Variants in TSPAN2 observed in about 807,000 individuals in gnomAD.
TSPAN2 encodes tetraspanin-2.
Under a neutral mutation model 33.3 loss-of-function variants are expected in TSPAN2, and 24 were observed. That is an observed-to-expected ratio of 0.72 (90% CI 0.52 to 1.01). TSPAN2 has a LOEUF of 1.01. Ranked by LOEUF, TSPAN2 falls within the 50% of genes least tolerant of loss-of-function variation. The pLI is 0.00. For missense variants in TSPAN2, 278 were observed against 281.3 expected, an observed-to-expected ratio of 0.99 and a Z score of 0.08; for synonymous variants, 114 against 104.5, an observed-to-expected ratio of 1.09 and a Z score of -0.56.
intron 4 of TSPAN2, among the ~76,000 whole-genome samples, chr1:115,059,586 G>T (rs1282773935): frequency 6.6e-6 from 1 of 152,126 alleles, no homozygotes; most frequent in East Asian, 1.9e-4. Flanking sequence ...GGTTTAAAAG[G>T]TATTCATCAC....
At chr1:115,073,154 A>G in intron 1 of TSPAN2, 147 bp from the exon 2 acceptor site, 1 of 683,152 alleles carries the variant, frequency 1.5e-6, no homozygotes, top group East Asian at 2.7e-5. Context: ...GAGAAAATGA[A>G]GGCTCAGAGA....
At chr1:115,062,085 A>G (rs762297965) in intron 3 of TSPAN2, 50 bp downstream of exon 3, 3 of 1,440,262 alleles carry the variant, frequency 2.1e-6, no homozygotes, top group East Asian at 2.5e-5. Flanking sequence ...CTTCAGATGC[A>G]GGCCGCTCCC....
intron 4 of TSPAN2, among the ~76,000 whole-genome samples, chr1:115,059,656 T>C (rs1647588816): frequency 6.6e-6 from 1 of 152,226 alleles, no homozygotes; most frequent in African/African-American, 2.4e-5. Context: ...TTTTCTAGTA[T>C]AAAAGCTTGT....
At chr1:115,075,307 T>A (rs572462354) in intron 1 of TSPAN2, among the ~76,000 whole-genome samples, 31 of 152,104 alleles carry the variant, frequency 2.0e-4, no homozygotes, top group Non-Finnish European at 4.1e-4. Flanking sequence ...TCCTCCTGGG[T>A]CAAGGAAACT....
chr1:115,089,316 G>GCCCCCCCGCCC, intron 1 of TSPAN2, 48 bp downstream of exon 1: 5 of 1,012,912 alleles, frequency 4.9e-6, no homozygotes, highest in Non-Finnish European at 5.7e-6. Context: ...CCCCGCGCCC[G>GCCCCCCCGCCC]CCACCCGGCC....
intron 2 of TSPAN2, among the ~76,000 whole-genome samples, chr1:115,070,798 AT>A (rs1648138698): frequency 6.6e-6 from 1 of 152,194 alleles, no homozygotes; most frequent in Non-Finnish European, 1.5e-5. Context: ...CTTAGCTGGC[AT>A]TTAGTCACAT....
intron 2 of TSPAN2, among the ~76,000 whole-genome samples, chr1:115,070,591 C>T (rs969367716): frequency 1.3e-5 from 2 of 151,972 alleles, no homozygotes; most frequent in Non-Finnish European, 2.9e-5. Context: ...GTCCTCAGAC[C>T]CCAACAGAGC....
At chr1:115,068,026 A>T (rs1037004662) in intron 2 of TSPAN2, among the ~76,000 whole-genome samples, 1 of 152,160 alleles carries the variant, frequency 6.6e-6, no homozygotes, top group Non-Finnish European at 1.5e-5. Context: ...GGCAACACGG[A>T]GCAACCCAAG....
intron 1 of TSPAN2, among the ~76,000 whole-genome samples, chr1:115,073,913 A>C (rs1281581507): frequency 6.6e-6 from 1 of 152,120 alleles, no homozygotes; most frequent in Non-Finnish European, 1.5e-5. Context: ...GCGTGCCAGC[A>C]GGCTCTAGCC....
chr1:115,072,902 C>T lies in TSPAN2; in HGVS notation c.172+3G>A, dbSNP rs192874260. The T allele has an allele frequency of 2.3e-3, 3,663 of 1,610,518 alleles. 8 individuals are homozygous for T. Among genetic ancestry groups the T allele is most frequent in the Non-Finnish European group, 2.8e-3 (3,316 of 1,176,718 alleles). On this transcript the variant is annotated splice_donor_region_variant and intron_variant, in intron 2 of 7. Coordinates refer to ENST00000369516, the MANE Select transcript of TSPAN2 (RefSeq NM_005725.6). ...TGGAGCTTAGGAAGCTGGAGTCACT[C>T]ACCCACATAGAAATACTCTGGGGAC...
intron 1 of TSPAN2, among the ~76,000 whole-genome samples, chr1:115,080,321 T>C (rs1323455568): frequency 1.3e-5 from 2 of 152,204 alleles, no homozygotes; most frequent in East Asian, 3.8e-4. Flanking sequence ...TCTTACTCTG[T>C]TGCCCAGGCT....
chr1:115,058,670 T>C (rs1325827228), intron 5 of TSPAN2, among the ~76,000 whole-genome samples: 1 of 152,270 alleles, frequency 6.6e-6, no homozygotes, highest in African/African-American at 2.4e-5. Context: ...TTCATGCTCT[T>C]CTGTCTCTCT....
intron 6 of TSPAN2, among the ~76,000 whole-genome samples, chr1:115,055,405 C>A (rs976826792): frequency 1.8e-4 from 28 of 151,716 alleles, no homozygotes; most frequent in Admixed American, 4.6e-4. Flanking sequence ...CTTACACACA[C>A]AAACACACCT....
At chr1:115,054,169 T>C (rs769185193) in intron 6 of TSPAN2, among the ~76,000 whole-genome samples, 44 of 152,132 alleles carry the variant, frequency 2.9e-4, no homozygotes, top group Non-Finnish European at 5.7e-4. Context: ...CTTCAAACAC[T>C]CCTATTTGGA....
chr1:115,064,374 G>T (rs1025879219), intron 2 of TSPAN2, among the ~76,000 whole-genome samples: 1 of 152,200 alleles, frequency 6.6e-6, no homozygotes, highest in Non-Finnish European at 1.5e-5. Context: ...GCCTCTCATT[G>T]CTACTGCCAC....
intron 1 of TSPAN2, among the ~76,000 whole-genome samples, chr1:115,086,423 C>T (rs979764561): frequency 6.6e-6 from 1 of 152,188 alleles, no homozygotes; most frequent in Non-Finnish European, 1.5e-5. Flanking sequence ...GGTGCGTCAC[C>T]CCCTCGCTTT....
chr1:115,079,947 T>A (rs904269200), intron 1 of TSPAN2, among the ~76,000 whole-genome samples: 3 of 152,180 alleles, frequency 2.0e-5, no homozygotes, highest in African/African-American at 7.2e-5. Flanking sequence ...TCAGGAGTGT[T>A]CCATTCATCT....
chr1:115,077,784 A>T (rs1648472500), intron 1 of TSPAN2, among the ~76,000 whole-genome samples: 1 of 152,224 alleles, frequency 6.6e-6, no homozygotes, highest in Non-Finnish European at 1.5e-5. Context: ...CAGGTTTCAC[A>T]AATTGCAAAC....
intron 2 of TSPAN2, among the ~76,000 whole-genome samples, chr1:115,064,734 T>C (rs1647876872): frequency 6.6e-6 from 1 of 152,142 alleles, no homozygotes; most frequent in Non-Finnish European, 1.5e-5. Context: ...TGGAAACAGG[T>C]CTCAGCAAAC....
Sources: allele counts gnomAD v4.1 joint callset (sites outside exome capture counted in the v4.1 genomes callset), GRCh38; gene constraint gnomAD v4.1.1; transcripts MANE v1.5; gene names NCBI Gene and HGNC (gene_info 2026-07-23, HGNC 2026-07-21).